DBX2: variants seen among roughly 807,000 people sequenced by gnomAD.
DBX2 encodes the protein homeobox protein DBX2.
A neutral mutation model predicts 17.7 loss-of-function variants in DBX2; 16 were observed. The observed-to-expected ratio is 0.90, with a 90% CI of 0.61 to 1.37. The LOEUF (loss-of-function observed/expected upper bound fraction) is 1.37. Ranked by LOEUF, DBX2 falls within the 40% of genes most tolerant of loss-of-function variation. DBX2 has a pLI of 0.00. For missense variants in DBX2, 538 were observed against 433.8 expected, an observed-to-expected ratio of 1.24 and a Z score of -2.13; for synonymous variants, 255 against 183.8, an observed-to-expected ratio of 1.39 and a Z score of -3.13.
In DBX2 at chr12:45,023,808, C is replaced by G. The variant is rs192450872; in HGVS notation, c.586G>C (p.Asp196His). Reference protein sequence around the residue: ...GILRRAVFSEDQRKALEKMFQ... With the variant: ...GILRRAVFSEHQRKALEKMFQ... The stretch of plus-strand genomic sequence containing the variant: ...ATTTTCTCCAGAGCCTTTCTCTGGT[C>G]CTCAGAAAAGACAGCTCTTCTTAAA... The change falls in exon 3 of 4, where the codon GAC becomes CAC. Residue 196 changes from aspartate (D) to histidine (H), a missense_variant. Transcript: ENST00000332700. 109 of 1,612,394 alleles carry G rather than the reference C, an allele frequency of 6.8e-5. No individual in the cohort carries two copies. The East Asian group carries it at 1.7e-3, about 25-fold the overall frequency.
chr12:45,017,555 T>C (rs1448260083), intron 3 of DBX2, among the ~76,000 whole-genome samples: 1 of 152,230 alleles, frequency 6.6e-6, no homozygotes, highest in Non-Finnish European at 1.5e-5. Context: ...GCAGGCTTTA[T>C]ACAGTTTCCA....
intron 3 of DBX2, among the ~76,000 whole-genome samples, chr12:45,016,977 G>GGTTTCATCA (rs1555140916): frequency 6.6e-6 from 1 of 151,894 alleles, no homozygotes; most frequent in Non-Finnish European, 1.5e-5. Flanking sequence ...GTACAGACAG[G>GGTTTCATCA]GTTTCATCAT....
At chr12:45,021,251 A>C (rs1433927567) in intron 3 of DBX2, among the ~76,000 whole-genome samples, 1 of 152,232 alleles carries the variant, frequency 6.6e-6, no homozygotes, top group Non-Finnish European at 1.5e-5. Flanking sequence ...GACAAAAAGT[A>C]CTCACTCCTG....
At chr12:45,038,326 G>GA (rs140253746) in intron 1 of DBX2, among the ~76,000 whole-genome samples, 1 of 147,288 alleles carries the variant, frequency 6.8e-6, no homozygotes, top group Non-Finnish European at 1.5e-5. Flanking sequence ...TGAGGTAAAA[G>GA]AAAAAAAAAG....
At chr12:45,043,068 G>A (rs1029351128) in intron 1 of DBX2, among the ~76,000 whole-genome samples, 28 of 152,138 alleles carry the variant, frequency 1.8e-4, no homozygotes, top group Admixed American at 2.6e-4. Flanking sequence ...CTGAGCTCCC[G>A]GCTATACCAC....
chr12:45,035,897 CTT>C, intron 2 of DBX2, 120 bp downstream of exon 2: 2 of 910,952 alleles, frequency 2.2e-6, no homozygotes, highest in Non-Finnish European at 3.3e-6. Context: ...ATCGCTGTGA[CTT>C]TTAGTGAGGA....
chr12:45,036,136 C>A (rs1339997827), intron 1 of DBX2, 22 bp from the exon 2 acceptor site: 2 of 1,575,890 alleles, frequency 1.3e-6, no homozygotes, highest in East Asian at 4.6e-5. Context: ...GCATTGATCT[C>A]ATTGATTAGC....
At chr12:45,021,152 ATTGTGTAATTGATACAT>A (rs1222742624) in intron 3 of DBX2, among the ~76,000 whole-genome samples, 4 of 152,200 alleles carry the variant, frequency 2.6e-5, no homozygotes, top group Non-Finnish European at 4.4e-5. Context: ...AATTGATATA[ATTGTGTAATTGATACAT>A]TTGTGTAATG....
At chr12:45,028,902 C>A (rs1168518990) in intron 2 of DBX2, among the ~76,000 whole-genome samples, 3 of 152,180 alleles carry the variant, frequency 2.0e-5, no homozygotes, top group African/African-American at 7.2e-5. Flanking sequence ...TAAAGTGATG[C>A]AATGCAGTTC....
intron 1 of DBX2, among the ~76,000 whole-genome samples, chr12:45,040,099 A>G (rs1464761897): frequency 6.6e-6 from 1 of 152,142 alleles, no homozygotes; most frequent in Non-Finnish European, 1.5e-5. Context: ...CATTTGAGTC[A>G]GTGGGCTGGG....
intron 1 of DBX2, among the ~76,000 whole-genome samples, chr12:45,042,653 A>G (rs935524684): frequency 6.6e-6 from 1 of 152,238 alleles, no homozygotes; most frequent in Non-Finnish European, 1.5e-5. Flanking sequence ...GTTTTCCTCA[A>G]TAGCTTGGTG....
At chr12:45,048,768 GTTGT>G (rs1443463249) in intron 1 of DBX2, among the ~76,000 whole-genome samples, 3 of 152,046 alleles carry the variant, frequency 2.0e-5, no homozygotes, top group African/African-American at 2.4e-5. Context: ...AAAAACAAAG[GTTGT>G]TTGTTCAAAT....
At chr12:45,030,706 T>C (rs1296548228) in intron 2 of DBX2, among the ~76,000 whole-genome samples, 2 of 152,202 alleles carry the variant, frequency 1.3e-5, no homozygotes, top group Middle Eastern at 3.2e-3. Context: ...TTTTTCCATA[T>C]TAAAAACTAA....
chr12:45,035,386 A>ATTTT (rs1220503860), intron 2 of DBX2, among the ~76,000 whole-genome samples: 4 of 152,032 alleles, frequency 2.6e-5, no homozygotes, highest in Non-Finnish European at 5.9e-5. Flanking sequence ...TTATGCCTGC[A>ATTTT]TTTTTCCTTT....
chr12:45,025,486 G>A (rs560651051), intron 2 of DBX2, among the ~76,000 whole-genome samples: 1 of 152,006 alleles, frequency 6.6e-6, no homozygotes, highest in South Asian at 2.1e-4. Flanking sequence ...CTCAGTTCAT[G>A]GTAATTTGTT....
intron 1 of DBX2, among the ~76,000 whole-genome samples, chr12:45,050,308 G>T (rs1221564884): frequency 6.6e-6 from 1 of 152,206 alleles, no homozygotes; most frequent in Non-Finnish European, 1.5e-5. Flanking sequence ...GGTGGAATGG[G>T]ATGGGATGGG....
chr12:45,036,814 G>A lies in DBX2; in HGVS notation c.404-700C>T, dbSNP rs566796575. ...TCTGATCACATTTACATGACTTAAA[G>A]TATTTGAGAATAATCCCATTTTATC... On this transcript the variant is annotated intron_variant, in intron 1 of 3. Coordinates refer to ENST00000332700, the MANE Select transcript of DBX2 (RefSeq NM_001004329.3). Among the ~76,000 whole-genome samples, 214 of 152,148 alleles carry A rather than the reference G, an allele frequency of 1.4e-3. 1 individual carries two copies. The highest frequency in any genetic ancestry group is 1.6e-3 in the Non-Finnish European group (112 of 68,026).
intron 2 of DBX2, among the ~76,000 whole-genome samples, chr12:45,031,462 A>G (rs1002433237): frequency 3.3e-5 from 5 of 152,094 alleles, no homozygotes; most frequent in African/African-American, 9.7e-5. Context: ...AGCTCCACTC[A>G]TTGGTCCCAA....
intron 2 of DBX2, among the ~76,000 whole-genome samples, chr12:45,025,441 A>C (rs1467784613): frequency 6.6e-6 from 1 of 152,104 alleles, no homozygotes; most frequent in Non-Finnish European, 1.5e-5. Context: ...GACCTCTATA[A>C]CTATAAAATA....
Sources: gnomAD v4.1 joint callset for allele counts (sites outside exome capture counted in the v4.1 genomes callset) on GRCh38, gnomAD v4.1.1 for gene constraint, MANE v1.5 for transcripts, NCBI Gene and HGNC (gene_info 2026-07-23, HGNC 2026-07-21) for gene names.